GNPTG: variants seen among roughly 807,000 people sequenced by gnomAD.
The protein encoded by GNPTG is N-acetylglucosamine-1-phosphotransferase subunit gamma.
GNPTG carries 46 observed loss-of-function variants against 43.8 expected under a neutral mutation model. The ratio of observed to expected loss-of-function variants is 1.05; its 90% CI spans 0.83 to 1.34. The LOEUF is 1.34. Among genes scored for constraint, GNPTG ranks in the 40% most tolerant of loss-of-function variants. The pLI is 0.00. For synonymous variants in GNPTG, 250 were observed against 172.8 expected (o/e 1.45, Z -3.50); for missense variants, 549 against 411.3 (o/e 1.33, Z -2.90).
At chr16:1,360,024 G>A (rs938733884) in intron 3 of GNPTG, among the ~76,000 whole-genome samples, 1 of 152,054 alleles carries the variant, frequency 6.6e-6, no homozygotes, top group Non-Finnish European at 1.5e-5. Flanking sequence ...CGGGAAAATC[G>A]GTTGAACCCA....
intron 3 of GNPTG, chr16:1,361,441 G>C (rs527535484): frequency 1.6e-5 from 6 of 373,880 alleles, no homozygotes; most frequent in Non-Finnish European, 3.1e-5. Flanking sequence ...TCAGGAGATC[G>C]AGACCATCCT....
At chr16:1,358,375 A>G (rs2034815922) in intron 3 of GNPTG, 1 of 152,098 alleles carries the variant, frequency 6.6e-6, no homozygotes, top group Middle Eastern at 3.4e-3. Flanking sequence ...ACTGTGTGCG[A>G]CCTTTTGTGT....
At chr16:1,360,587 G>C (rs2034852143) in intron 3 of GNPTG, 1 of 152,332 alleles carries the variant, frequency 6.6e-6, no homozygotes, top group African/African-American at 2.4e-5. Context: ...TCGCGCCACT[G>C]CATTTCACCT....
In GNPTG at chr16:1,362,900, CCCACAGGTGAGTCACCTGT is replaced by C. The variant is rs2034947042; in HGVS notation, c.818_823+13del. 1 of 1,614,126 alleles carries C rather than the reference CCCACAGGTGAGTCACCTGT, an allele frequency of 6.2e-7. No individual in the cohort carries two copies. The highest frequency in any genetic ancestry group is 1.3e-5 in the African/African-American group (1 of 75,056). On this transcript the variant is annotated splice_donor_variant and splice_donor_5th_base_variant and coding_sequence_variant and intron_variant, in exon 10 of 11. Transcript: ENST00000204679. LOFTEE classifies it high-confidence loss of function. ...CCAGCACGGCATCCCCTACACGAGG[CCCACAGGTGAGTCACCTGT>C]GGGGAGAGGGCCAGGCTCACCATCA...
rs742459 is a variant in GNPTG at position 1,355,525 on chromosome 16, G to C, written c.178+3219G>C. 8.4e-3 allele frequency among the ~76,000 whole-genome samples: 1,272 copies of C among 152,190 alleles called. 18 individuals carry two copies. The highest frequency in any genetic ancestry group is 0.027 in the African/African-American group (1,136 of 41,522). On this transcript the variant is annotated intron_variant, in intron 3 of 10. Coordinates refer to ENST00000204679, the MANE Select transcript of GNPTG (RefSeq NM_032520.5). ...CTCCATGGCCTCCACCAGATGAGTC[G>C]GGAGCCTCGTCCCTTGACAGCAGGA... is the stretch of plus-strand genomic sequence containing the variant.
At position 1,361,817 on chromosome 16, in the gene GNPTG, G is replaced by A. The variant is rs752553225; in HGVS notation, c.233+20G>A. The stretch of plus-strand genomic sequence containing the variant: ...GTCCACGTGAGTGCAGGGTGGGTGC[G>A]AGGGTGGGCTGGGGCGCAGCCTGCG... On this transcript the variant is annotated intron_variant, in intron 4 of 10. Coordinates refer to ENST00000204679, the MANE Select transcript of GNPTG (RefSeq NM_032520.5). 1.5e-5 allele frequency: 24 copies of A among 1,613,438 alleles called. No individual in the cohort carries two copies. Among genetic ancestry groups the A allele is most frequent in the Admixed American group, 1.3e-4 (8 of 60,012 alleles).
At chr16:1,354,878 G>T (rs529662290) in intron 3 of GNPTG, among the ~76,000 whole-genome samples, 6 of 152,140 alleles carry the variant, frequency 3.9e-5, no homozygotes, top group South Asian at 2.1e-4. Flanking sequence ...CTGTAGGGCT[G>T]GGCGTGGATA....
At chr16:1,356,350 C>T (rs1222129091) in intron 3 of GNPTG, among the ~76,000 whole-genome samples, 2 of 152,050 alleles carry the variant, frequency 1.3e-5, no homozygotes, top group Admixed American at 6.5e-5. Context: ...GGAGAAGCCT[C>T]CCGGCAGGGG....
Position 1,352,265 on chromosome 16 carries a change from C to A in GNPTG, c.137C>A (p.Ala46Asp). The A allele has an allele frequency of 6.5e-7, 1 of 1,548,456 alleles. No individual in the cohort carries two copies. Among genetic ancestry groups the A allele is most frequent in the Non-Finnish European group, 8.7e-7 (1 of 1,146,852 alleles). ...GTGAACAACCCGTTCTTGCCTCAGG[C>A]CAGTCGCCTCCAGGCCAAGAGGGAT... ...FGVNNPFLPQ[A>D]SRLQAKRDPS... The change falls in exon 3 of 11, where the codon GCC becomes GAC. Residue 46 changes from alanine to aspartate, a missense_variant. Transcript: ENST00000204679.
chr16:1,362,540 C>G lies in GNPTG; in HGVS notation c.609+6C>G, dbSNP rs531032942. On this transcript the variant is annotated splice_donor_region_variant and intron_variant, in intron 8 of 10. Transcript: ENST00000204679. Reference sequence around the variant, plus strand: ...ATGAGCTGATCACCCCCCAGGTAAGCGTGCGCTCGGGGTGGCCCCTGGTGG... The same window carrying G: ...ATGAGCTGATCACCCCCCAGGTAAGGGTGCGCTCGGGGTGGCCCCTGGTGG... 2 of 1,614,124 alleles carry G rather than the reference C, an allele frequency of 1.2e-6. No individual in the cohort carries two copies. The highest frequency in any genetic ancestry group is 1.1e-5 in the South Asian group (1 of 91,086).
rs370064320 is a variant in GNPTG at position 1,362,882 on chromosome 16, G to C, written c.799G>C (p.Gly267Arg). Residue 267 changes from glycine to arginine, a missense_variant, in exon 10 of 11, where the codon GGC (glycine) becomes CGC (arginine). By Grantham distance (125) the Gly-to-Arg change is moderately radical. Coordinates refer to ENST00000204679, the MANE Select transcript of GNPTG (RefSeq NM_032520.5). ...GCTGAAAGGTTTGCTCACCCAGCAC[G>C]GCATCCCCTACACGAGGCCCACAGG... The part of the protein sequence containing the change: ...KRLKGLLTQH[G>R]IPYTRPTETS... The C allele has an allele frequency of 6.2e-7, 1 of 1,613,922 alleles. No homozygotes were observed. Among genetic ancestry groups the C allele is most frequent in the Non-Finnish European group, 8.5e-7 (1 of 1,179,970 alleles).
At position 1,362,462 on chromosome 16, in the gene GNPTG, C is replaced by A. The variant is rs760497948; in HGVS notation, c.537C>A (p.Thr179=). The A allele has an allele frequency of 1.9e-6, 3 of 1,613,870 alleles. No homozygotes were observed. In the East Asian group the frequency reaches 6.7e-5, roughly 36 times the overall value. Residue 179 remains threonine, a synonymous_variant, in exon 8 of 11, where the codon ACC becomes ACA. Coordinates refer to ENST00000204679, the MANE Select transcript of GNPTG (RefSeq NM_032520.5). ...CHPHALLVYP[T]LPEALQRQWD... ...CTCTTGGGTCCTCAGTGTACCCAAC[C>A]CTGCCAGAGGCCCTGCAGCGGCAGT...
intron 3 of GNPTG, among the ~76,000 whole-genome samples, chr16:1,354,710 C>T (rs1247615156): frequency 3.3e-5 from 5 of 150,446 alleles, no homozygotes; most frequent in Non-Finnish European, 7.4e-5. Flanking sequence ...CATTATGTGT[C>T]TTTAGTGTTT....
intron 3 of GNPTG, among the ~76,000 whole-genome samples, chr16:1,354,402 C>T (rs1045336820): frequency 6.6e-6 from 1 of 151,628 alleles, no homozygotes; most frequent in African/African-American, 2.4e-5. Flanking sequence ...ATGGTGAAAC[C>T]CCGTCTCTAC....
intron 3 of GNPTG, among the ~76,000 whole-genome samples, chr16:1,356,355 C>T (rs1330052856): frequency 2.6e-5 from 4 of 152,058 alleles, no homozygotes; most frequent in African/African-American, 7.2e-5. Flanking sequence ...AGCCTCCCGG[C>T]AGGGGTGGTG....
chr16:1,360,066 C>A (rs781666333), intron 3 of GNPTG, among the ~76,000 whole-genome samples: 1 of 152,018 alleles, frequency 6.6e-6, no homozygotes, highest in Non-Finnish European at 1.5e-5. Flanking sequence ...CAAGATCGTG[C>A]CACTGCAATC....
rs1249535083 is a variant in GNPTG at position 1,355,218 on chromosome 16, C to G, written c.178+2912C>G. Among the ~76,000 whole-genome samples, 4 of 151,946 alleles carry G rather than the reference C, an allele frequency of 2.6e-5. No individual in the cohort carries two copies. In the East Asian group the frequency reaches 7.7e-4, roughly 29 times the overall value. Reference sequence around the variant, plus strand: ...CTGTGGGGTCGGGTGTGGATCCTCTCCTGCGTCTGTGGGGTCGGGTGTGGA... The same window carrying G: ...CTGTGGGGTCGGGTGTGGATCCTCTGCTGCGTCTGTGGGGTCGGGTGTGGA... On this transcript the variant is annotated intron_variant, in intron 3 of 10. Coordinates refer to ENST00000204679, the MANE Select transcript of GNPTG (RefSeq NM_032520.5).
chr16:1,362,654 A>G lies in GNPTG; in HGVS notation c.653A>G (p.Tyr218Cys). The change falls in exon 9 of 11, where the codon TAC becomes TGC. Residue 218 changes from tyrosine to cysteine, a missense_variant. Coordinates refer to ENST00000204679, the MANE Select transcript of GNPTG (RefSeq NM_032520.5). ...LLRTLFEDAGYLKTPEENEPT... is the reference protein window; with the variant it reads ...LLRTLFEDAGCLKTPEENEPT... Reference sequence around the variant, plus strand: ...AGGACACTTTTTGAGGATGCTGGCTACTTAAAGACCCCAGAAGAAAATGAA... The same window carrying G: ...AGGACACTTTTTGAGGATGCTGGCTGCTTAAAGACCCCAGAAGAAAATGAA... The G allele has an allele frequency of 6.2e-7, 1 of 1,614,120 alleles. No homozygotes were observed. The highest frequency in any genetic ancestry group is 8.5e-7 in the Non-Finnish European group (1 of 1,180,012).
intron 3 of GNPTG, among the ~76,000 whole-genome samples, chr16:1,359,799 T>C (rs112659352): frequency 5.3e-4 from 81 of 152,164 alleles, no homozygotes; most frequent in African/African-American, 1.8e-3. Flanking sequence ...CTGGGTGGTA[T>C]TGTCATCTTA....
Sources: allele counts gnomAD v4.1 joint callset (sites outside exome capture counted in the v4.1 genomes callset), GRCh38; gene constraint gnomAD v4.1.1; transcripts MANE v1.5; gene names NCBI Gene and HGNC (gene_info 2026-07-23, HGNC 2026-07-21).